Variants in DNM3 observed in about 807,000 individuals in gnomAD.
DNM3 encodes the protein dynamin-3.
Under a neutral mutation model 101.6 loss-of-function variants are expected in DNM3, and 47 were observed. The ratio of observed to expected loss-of-function variants is 0.46; its 90% CI spans 0.37 to 0.59. DNM3 has a LOEUF of 0.59. DNM3 is among the 20% of genes least tolerant of loss of function. The probability of loss-of-function intolerance (pLI) is 0.00; values close to 1 mark genes in which losing one functional copy is unlikely to be tolerated. For synonymous variants in DNM3, 385 were observed against 387.9 expected (o/e 0.99, Z 0.09); for missense variants, 849 against 1,085.7 (o/e 0.78, Z 3.06).
In DNM3 at chr1:172,133,062, G is replaced by A. The variant is rs1256634193; in HGVS notation, c.1659+1774G>A. On this transcript the variant is annotated intron_variant, in intron 14 of 20. Coordinates refer to ENST00000627582, the MANE Select transcript of DNM3 (RefSeq NM_015569.5). ...GTCCAAGCCAACCTCATCCCACAGA[G>A]GACTTATGAAGATGAATTCCAGGCA... 3 of 1,454,134 alleles carry A rather than the reference G, an allele frequency of 2.1e-6. No homozygotes were observed. In the African/African-American group the frequency reaches 4.3e-5, roughly 21 times the overall value. The allele number at this position is 1,454,134 out of a possible 1,614,324, so 90.1% of individuals were successfully genotyped here. A position where few individuals can be genotyped will look rare whatever the true frequency, so the allele number is the denominator to read the frequency against.
At chr1:171,959,712 G>A (rs1202537195) in intron 2 of DNM3, among the ~76,000 whole-genome samples, 6 of 152,152 alleles carry the variant, frequency 3.9e-5, no homozygotes, top group Non-Finnish European at 5.9e-5. Context: ...AAGATAGGAG[G>A]AAAAGTGAGT....
At chr1:172,217,041 G>T (rs1244775579) in intron 14 of DNM3, among the ~76,000 whole-genome samples, 1 of 152,040 alleles carries the variant, frequency 6.6e-6, no homozygotes, top group Admixed American at 6.6e-5. Flanking sequence ...ATTAATTGGG[G>T]TGACACATTT....
chr1:171,925,189 C>T (rs1224281195), intron 2 of DNM3, among the ~76,000 whole-genome samples: 1 of 146,686 alleles, frequency 6.8e-6, no homozygotes, highest in East Asian at 2.1e-4. Context: ...GCATGAGCCA[C>T]CATGCCCGGC....
chr1:172,400,134 T>C (rs2070355949), intron 20 of DNM3, among the ~76,000 whole-genome samples: 1 of 152,120 alleles, frequency 6.6e-6, no homozygotes. Context: ...CTTTCTTCTT[T>C]TTCCTTCTTC....
At chr1:171,959,791 C>A (rs997712323) in intron 2 of DNM3, among the ~76,000 whole-genome samples, 1 of 151,982 alleles carries the variant, frequency 6.6e-6, no homozygotes, top group African/African-American at 2.4e-5. Context: ...GTTAGATACA[C>A]CAGGCCATTT....
At chr1:172,124,321 C>G (rs1350032360) in intron 13 of DNM3, among the ~76,000 whole-genome samples, 1 of 152,242 alleles carries the variant, frequency 6.6e-6, no homozygotes, top group East Asian at 1.9e-4. Context: ...GGAAAGCCAT[C>G]TATGTGCATA....
Position 171,914,925 on chromosome 1 carries a change from G to C in DNM3, c.162-6823G>C, listed in dbSNP as rs1304655783. ...AGCTTAGGTAGAGACATGTGGGGGT[G>C]GGGGGACCTCGAGAAGACTCCCAGA... On this transcript the variant is annotated intron_variant, in intron 1 of 20. Transcript: ENST00000627582. Among the ~76,000 whole-genome samples the C allele has an allele frequency of 2.0e-5, 3 of 151,990 alleles. No individual in the cohort carries two copies. In the East Asian group the frequency reaches 5.8e-4, roughly 29 times the overall value.
chr1:172,034,445 G>T (rs1329077189), intron 6 of DNM3, among the ~76,000 whole-genome samples: 1 of 152,008 alleles, frequency 6.6e-6, no homozygotes, highest in Non-Finnish European at 1.5e-5. Context: ...AATCTCAGAG[G>T]AAACTCACTA....
intron 1 of DNM3, among the ~76,000 whole-genome samples, chr1:171,917,134 A>G (rs2039777825): frequency 6.6e-6 from 1 of 152,188 alleles, no homozygotes; most frequent in African/African-American, 2.4e-5. Flanking sequence ...GGCTCCATGA[A>G]TCAACTTCTA....
intron 14 of DNM3, among the ~76,000 whole-genome samples, chr1:172,204,145 C>G (rs115263956): frequency 0.022 from 3,298 of 152,102 alleles, 123 homozygotes; most frequent in African/African-American, 0.075. Context: ...TATAATTGAG[C>G]CATGTCAAGG....
At chr1:172,016,505 C>T (rs934463837) in intron 4 of DNM3, among the ~76,000 whole-genome samples, 1 of 152,182 alleles carries the variant, frequency 6.6e-6, no homozygotes, top group African/African-American at 2.4e-5. Flanking sequence ...ACTTGACTTA[C>T]TAACATTTTG....
intron 14 of DNM3, among the ~76,000 whole-genome samples, chr1:172,186,827 C>A (rs2059543885): frequency 6.6e-6 from 1 of 152,058 alleles, no homozygotes; most frequent in South Asian, 2.1e-4. Flanking sequence ...TTTCCTTAGG[C>A]TATTGCACAC....
intron 10 of DNM3, among the ~76,000 whole-genome samples, chr1:172,063,964 A>T (rs942898388): frequency 3.3e-5 from 5 of 152,142 alleles, no homozygotes; most frequent in East Asian, 1.9e-4. Context: ...ATTGGTTTTT[A>T]AAAAATATTT....
intron 15 of DNM3, among the ~76,000 whole-genome samples, chr1:172,276,995 G>A (rs774558018): frequency 9.9e-5 from 15 of 152,002 alleles, no homozygotes; most frequent in Non-Finnish European, 1.8e-4. Flanking sequence ...AAAAAAATAT[G>A]TGGCTAGAAA....
At chr1:172,246,359 A>G (rs2061953295) in intron 14 of DNM3, among the ~76,000 whole-genome samples, 1 of 152,122 alleles carries the variant, frequency 6.6e-6, no homozygotes, top group Admixed American at 6.6e-5. Flanking sequence ...TCTATTTAAT[A>G]TATAGGACTT....
At chr1:172,122,808 T>C (rs2056399997) in intron 13 of DNM3, among the ~76,000 whole-genome samples, 1 of 152,154 alleles carries the variant, frequency 6.6e-6, no homozygotes, top group African/African-American at 2.4e-5. Flanking sequence ...TGGCAAACAG[T>C]GCAGAAACTC....
In DNM3 at chr1:172,410,538, G is replaced by T; in HGVS notation, c.*2697G>T. On this transcript the variant is annotated 3_prime_UTR_variant, in exon 21 of 21. Transcript: ENST00000627582. ...ACATGCTAAATATTGCATGCATATT[G>T]ACTAATTGGAATAACCATTTACTCA... 12 of 983,324 alleles carry T rather than the reference G, an allele frequency of 1.2e-5. No individual in the cohort carries two copies. The highest frequency in any genetic ancestry group is 1.3e-5 in the Non-Finnish European group (11 of 828,084). The allele number at this position is 983,324 out of a possible 1,614,324, so 60.9% of individuals were successfully genotyped here. A position where few individuals can be genotyped will look rare whatever the true frequency, so the allele number is the denominator to read the frequency against.
intron 14 of DNM3, among the ~76,000 whole-genome samples, chr1:172,149,795 T>A (rs2058059780): frequency 6.6e-6 from 1 of 152,152 alleles, no homozygotes; most frequent in South Asian, 2.1e-4. Flanking sequence ...AATACCTGTA[T>A]GTGCATAATA....
intron 10 of DNM3, among the ~76,000 whole-genome samples, chr1:172,057,867 A>G (rs2050778652): frequency 1.4e-5 from 2 of 141,472 alleles, no homozygotes; most frequent in Non-Finnish European, 3.0e-5. Flanking sequence ...ATGTAAATGG[A>G]CTAAATGCTC....
Sources: allele counts gnomAD v4.1 joint callset (sites outside exome capture counted in the v4.1 genomes callset), GRCh38; gene constraint gnomAD v4.1.1; transcripts MANE v1.5; gene names NCBI Gene and HGNC (gene_info 2026-07-23, HGNC 2026-07-21).